SORBS2: variants seen among roughly 807,000 people sequenced by gnomAD.
The protein encoded by SORBS2 is sorbin and SH3 domain-containing protein 2.
SORBS2 carries 46 observed loss-of-function variants against 97.7 expected under a neutral mutation model. The observed-to-expected ratio is 0.47, with a 90% CI of 0.37 to 0.60. The LOEUF (loss-of-function observed/expected upper bound fraction) is 0.60. Among genes scored for constraint, SORBS2 ranks in the 20% least tolerant of loss-of-function variants. The pLI, the probability that SORBS2 is intolerant of heterozygous loss-of-function variation, is 0.00. For missense variants in SORBS2, 1,316 were observed against 1,282.3 expected (o/e 1.03, Z -0.40); for synonymous variants, 476 against 473.4 (o/e 1.01, Z -0.07).
chr4:185,929,993 G>A (rs929828222), intron 1 of SORBS2, among the ~76,000 whole-genome samples: 3 of 152,170 alleles, frequency 2.0e-5, no homozygotes, highest in Admixed American at 6.5e-5. Context: ...ATGACTGCAC[G>A]ATGTGGTTGT....
In SORBS2 at chr4:185,877,874, C is replaced by CA. The variant is rs1435447743; in HGVS notation, c.-338+78321dup. Among the ~76,000 whole-genome samples, 151 of 81,106 alleles carry CA rather than the reference C, an allele frequency of 1.9e-3. 3 individuals carry two copies. Among genetic ancestry groups the CA allele is most frequent in the East Asian group, 0.014 (25 of 1,768 alleles). 53.2% of individuals were successfully genotyped at this position (81,106 alleles called of 152,430 possible). A position where few individuals can be genotyped will look rare whatever the true frequency, so the allele number is the denominator to read the frequency against. ...GACAGAGTGAGACTCTGTCAAAAAA[C>CA]AAAAAAAAAAAAGAAAGAAAGAAGA... On this transcript the variant is annotated intron_variant, in intron 1 of 20. Coordinates refer to the SORBS2 transcript ENST00000284776.
intron 1 of SORBS2, among the ~76,000 whole-genome samples, chr4:185,819,023 ATGGTT>A (rs1236228668): frequency 1.3e-5 from 2 of 152,122 alleles, no homozygotes; most frequent in African/African-American, 4.8e-5. Context: ...CATTAAAGAC[ATGGTT>A]TGCTTCCAAC....
chr4:185,907,351 G>A (rs1302220658), intron 1 of SORBS2, among the ~76,000 whole-genome samples: 6 of 152,102 alleles, frequency 3.9e-5, no homozygotes, highest in Non-Finnish European at 7.3e-5. Context: ...TAAGAAACTC[G>A]TTTAGAGCAC....
intron 13 of SORBS2, chr4:185,592,643 T>G (rs965931332): frequency 6.5e-6 from 1 of 153,150 alleles, no homozygotes. Flanking sequence ...GTAGCCTTGA[T>G]CTCCCTGGCC....
chr4:185,724,030 T>C (rs945055436), intron 2 of SORBS2, among the ~76,000 whole-genome samples: 2 of 152,218 alleles, frequency 1.3e-5, no homozygotes, highest in Non-Finnish European at 2.9e-5. Context: ...TTTCCTCCTC[T>C]ACTCGGCATG....
At chr4:185,910,200 T>C (rs1028345172) in intron 1 of SORBS2, among the ~76,000 whole-genome samples, 2 of 152,068 alleles carry the variant, frequency 1.3e-5, no homozygotes, top group Non-Finnish European at 2.9e-5. Flanking sequence ...CTACAAGTAA[T>C]AGCACTGGAG....
At chr4:185,785,231 C>A (rs200482839) in intron 1 of SORBS2, among the ~76,000 whole-genome samples, 2 of 144,500 alleles carry the variant, frequency 1.4e-5, no homozygotes, top group Admixed American at 1.4e-4. Flanking sequence ...AAAAAAAAAA[C>A]AAAAAACCTG....
chr4:185,696,007 T>C (rs1405085804), intron 2 of SORBS2, among the ~76,000 whole-genome samples: 2 of 152,160 alleles, frequency 1.3e-5, no homozygotes, highest in Non-Finnish European at 2.9e-5. Context: ...TGCCTGAAAA[T>C]GTTCCTTATT....
chr4:185,625,040 G>T (rs1182139368), intron 6 of SORBS2, among the ~76,000 whole-genome samples: 1 of 152,096 alleles, frequency 6.6e-6, no homozygotes, highest in Admixed American at 6.6e-5. Flanking sequence ...GATTTTAAAA[G>T]CTATAAGGCA....
intron 2 of SORBS2, among the ~76,000 whole-genome samples, chr4:185,764,937 G>C (rs761074567): frequency 5.3e-5 from 8 of 152,132 alleles, no homozygotes; most frequent in South Asian, 2.1e-4. Flanking sequence ...TTTACATTAT[G>C]ATGATGTAGG....
chr4:185,607,354 G>T lies in SORBS2; in HGVS notation c.2796+4426C>A, dbSNP rs575904642. On this transcript the variant is annotated intron_variant, in intron 12 of 14. Transcript: ENST00000418609. This position sits in a 1 kb window ranked among gnomAD's most constrained non-coding sequence, Gnocchi z 5.2. ...GGCTGGTTCACTGGAAGCCAACTTG[G>T]AAATGAGCACGGATTATGAAGTTAA... The T allele has an allele frequency of 5.8e-5, 74 of 1,278,254 alleles. No homozygotes were observed. In the South Asian group the frequency reaches 8.8e-4, roughly 15 times the overall value. 79.2% of individuals were successfully genotyped at this position (1,278,254 alleles called of 1,614,324 possible). A position where few individuals can be genotyped will look rare whatever the true frequency, so the allele number is the denominator to read the frequency against.
chr4:185,889,930 A>G (rs1031993787), intron 1 of SORBS2, among the ~76,000 whole-genome samples: 2 of 152,030 alleles, frequency 1.3e-5, no homozygotes, highest in African/African-American at 4.8e-5. Context: ...TCTGTCCCCC[A>G]GGCTGGAGTG....
At chr4:185,850,963 G>A (rs954072632) in intron 1 of SORBS2, among the ~76,000 whole-genome samples, 16 of 152,070 alleles carry the variant, frequency 1.1e-4, no homozygotes, top group Admixed American at 3.3e-4. Flanking sequence ...TCTATCTCCC[G>A]CCCTCAGATG....
chr4:185,908,363 A>ATT (rs2099252853), intron 1 of SORBS2, among the ~76,000 whole-genome samples: 4 of 141,198 alleles, frequency 2.8e-5, no homozygotes, highest in East Asian at 4.1e-4. Flanking sequence ...ATATATATAC[A>ATT]TGTATATATA....
At chr4:185,721,892 G>A (rs142377019) in intron 2 of SORBS2, among the ~76,000 whole-genome samples, 23 of 152,212 alleles carry the variant, frequency 1.5e-4, no homozygotes, top group African/African-American at 5.5e-4. Flanking sequence ...ATAATTTAGA[G>A]AGAATTATCA....
chr4:185,931,085 C>T (rs933718617), intron 1 of SORBS2, among the ~76,000 whole-genome samples: 4 of 151,994 alleles, frequency 2.6e-5, no homozygotes, highest in African/African-American at 9.7e-5. Context: ...AGTATATGAA[C>T]AATTCTACAC....
At chr4:185,712,458 G>A (rs2098429293) in intron 2 of SORBS2, among the ~76,000 whole-genome samples, 1 of 152,124 alleles carries the variant, frequency 6.6e-6, no homozygotes, top group Non-Finnish European at 1.5e-5. Flanking sequence ...ATTTTTCCTG[G>A]ATGCCAGGCA....
chr4:185,688,492 TGATA>T (rs1554169896), intron 2 of SORBS2, among the ~76,000 whole-genome samples: 5 of 114,240 alleles, frequency 4.4e-5, no homozygotes, highest in East Asian at 2.4e-4. Flanking sequence ...ATCTGTCTAT[TGATA>T]GATAGATAAA....
chr4:185,650,528 C>T (rs1041093735), intron 2 of SORBS2, among the ~76,000 whole-genome samples: 1 of 152,188 alleles, frequency 6.6e-6, no homozygotes, highest in African/African-American at 2.4e-5. Flanking sequence ...TAATATATCA[C>T]TGCTGTTCCA....
Sources: gnomAD v4.1 joint callset for allele counts (sites outside exome capture counted in the v4.1 genomes callset) on GRCh38, gnomAD v4.1.1 for gene constraint, Gnocchi (gnomAD v3.1) non-coding constraint, MANE v1.5 for transcripts, NCBI Gene and HGNC (gene_info 2026-07-23, HGNC 2026-07-21) for gene names.